ADAMTSL1: variants seen among roughly 807,000 people sequenced by gnomAD.
The protein encoded by ADAMTSL1 is ADAMTS like 1.
Under a neutral mutation model 201.8 loss-of-function variants are expected in ADAMTSL1, and 126 were observed. The ratio of observed to expected loss-of-function variants is 0.62; its 90% CI spans 0.54 to 0.72. ADAMTSL1 has a LOEUF of 0.72. ADAMTSL1 is among the 30% of genes least tolerant of loss of function. The probability of loss-of-function intolerance (pLI) is 0.00; values close to 1 mark genes in which losing one functional copy is unlikely to be tolerated. For missense variants in ADAMTSL1, 2,679 were observed against 2,277.8 expected (o/e 1.18, Z -3.59); for synonymous variants, 1,121 against 903.4 (o/e 1.24, Z -4.32).
At chr9:18,587,778 G>T (rs1447234561) in intron 4 of ADAMTSL1, among the ~76,000 whole-genome samples, 1 of 152,090 alleles carries the variant, frequency 6.6e-6, no homozygotes, top group East Asian at 1.9e-4. Context: ...ATGACCTCCA[G>T]TTCCATCCAT....
chr9:18,062,305 C>A (rs545609532), intron 1 of ADAMTSL1, among the ~76,000 whole-genome samples: 1 of 152,170 alleles, frequency 6.6e-6, no homozygotes, highest in African/African-American at 2.4e-5. Flanking sequence ...AAAGGTAAAT[C>A]TAAGTTTGAT....
Position 18,374,889 on chromosome 9 carries a change from G to C in ADAMTSL1, c.208-129940G>C, listed in dbSNP as rs998380028. Among the ~76,000 whole-genome samples, 15 of 152,314 alleles carry C rather than the reference G, an allele frequency of 9.8e-5. No homozygotes were observed. The East Asian group carries it at 2.9e-3, about 29-fold the overall frequency. ...AGGGCTAGATGTTCAACTGCTGGGG[G>C]ATTATCCCCCTTGGATGAATGGAGC... On this transcript the variant is annotated intron_variant, in intron 2 of 29. Coordinates refer to the ADAMTSL1 transcript ENST00000680146.
At chr9:18,551,036 A>G (rs1225185648) in intron 3 of ADAMTSL1, among the ~76,000 whole-genome samples, 1 of 151,948 alleles carries the variant, frequency 6.6e-6, no homozygotes, top group Non-Finnish European at 1.5e-5. Flanking sequence ...AATCTGGAGA[A>G]TAAAGACAGC....
At chr9:17,983,360 C>T (rs750855046) in intron 1 of ADAMTSL1, among the ~76,000 whole-genome samples, 25 of 152,100 alleles carry the variant, frequency 1.6e-4, no homozygotes, top group Non-Finnish European at 3.1e-4. Context: ...TGAGCCACCT[C>T]GCCCGGCCCC....
intron 1 of ADAMTSL1, among the ~76,000 whole-genome samples, chr9:17,918,677 T>C (rs1439327243): frequency 1.3e-5 from 2 of 151,902 alleles, no homozygotes; most frequent in East Asian, 3.8e-4. Flanking sequence ...TCTTTAAATG[T>C]CAATCAGGTC....
chr9:18,044,646 G>A (rs1027241339), intron 1 of ADAMTSL1, among the ~76,000 whole-genome samples: 1 of 152,154 alleles, frequency 6.6e-6, no homozygotes, highest in African/African-American at 2.4e-5. Flanking sequence ...ATACATTTGA[G>A]TTCAAACTGC....
chr9:18,062,096 A>AG (rs1253858641), intron 1 of ADAMTSL1, among the ~76,000 whole-genome samples: 3 of 152,220 alleles, frequency 2.0e-5, no homozygotes, highest in Admixed American at 1.3e-4. Context: ...CGACTTAAAA[A>AG]ACAGGAAGAA....
chr9:18,022,073 C>A, intron 1 of ADAMTSL1, among the ~76,000 whole-genome samples: 1 of 151,956 alleles, frequency 6.6e-6, no homozygotes, highest in East Asian at 1.9e-4. Flanking sequence ...TCATTTTTTT[C>A]TTGTTTTGCT....
intron 10 of ADAMTSL1, among the ~76,000 whole-genome samples, chr9:18,676,145 C>T (rs1272125486): frequency 6.6e-6 from 1 of 152,020 alleles, no homozygotes; most frequent in Non-Finnish European, 1.5e-5. Context: ...GGAGTGAAAA[C>T]AGTAATTCAC....
chr9:18,906,633 T>A (rs749772951), intron 27 of ADAMTSL1, 59 bp from the exon 28 acceptor site: 113 of 1,379,564 alleles, frequency 8.2e-5, no homozygotes, highest in Non-Finnish European at 1.1e-4. Flanking sequence ...TATTTTCACA[T>A]CTGCCCTGAT....
At chr9:18,283,527 G>A (rs564553575) in intron 2 of ADAMTSL1, among the ~76,000 whole-genome samples, 1 of 146,516 alleles carries the variant, frequency 6.8e-6, no homozygotes, top group African/African-American at 2.5e-5. Flanking sequence ...GTTCGCTTGA[G>A]CCTGGGAAGT....
At chr9:18,235,121 C>G (rs1342831676) in intron 2 of ADAMTSL1, among the ~76,000 whole-genome samples, 1 of 152,142 alleles carries the variant, frequency 6.6e-6, no homozygotes, top group Middle Eastern at 3.2e-3. Context: ...GAATCACATC[C>G]TGGATCCAGC....
chr9:18,612,489 T>A (rs979032289), intron 4 of ADAMTSL1, among the ~76,000 whole-genome samples: 1 of 152,168 alleles, frequency 6.6e-6, no homozygotes, highest in Non-Finnish European at 1.5e-5. Flanking sequence ...CTGTTCTAGG[T>A]GGACAGTGAA....
At chr9:18,569,727 A>G (rs950091938) in intron 3 of ADAMTSL1, among the ~76,000 whole-genome samples, 1 of 152,210 alleles carries the variant, frequency 6.6e-6, no homozygotes, top group East Asian at 1.9e-4. Context: ...AATTGTCTCC[A>G]TCAATGCTTT....
In ADAMTSL1 at chr9:18,485,352, A is replaced by T. The variant is rs117072544; in HGVS notation, c.63+11057A>T. Among the ~76,000 whole-genome samples the T allele has an allele frequency of 1.6e-3, 246 of 152,342 alleles. 1 individual carries two copies. The highest frequency in any genetic ancestry group is 2.4e-3 in the Non-Finnish European group (166 of 68,028). ...TTATGGAAAGCTAACCAATGTCCTT[A>T]TTCTCTTTATTCTATGTGTCAACAC... is the stretch of plus-strand genomic sequence containing the variant. On this transcript the variant is annotated intron_variant, in intron 1 of 28. Coordinates refer to ENST00000380548, the MANE Select transcript of ADAMTSL1 (RefSeq NM_001040272.6).
At chr9:18,175,063 GA>G in intron 2 of ADAMTSL1, among the ~76,000 whole-genome samples, 1 of 152,256 alleles carries the variant, frequency 6.6e-6, no homozygotes, top group East Asian at 1.9e-4. Context: ...CACCAACTTT[GA>G]AAATGTGGGA....
chr9:18,316,367 G>A (rs1205753748), intron 2 of ADAMTSL1, among the ~76,000 whole-genome samples: 1 of 152,086 alleles, frequency 6.6e-6, no homozygotes, highest in Non-Finnish European at 1.5e-5. Context: ...GGAGCGCTAT[G>A]GGAGACTGGG....
chr9:18,668,465 T>C (rs1021988242), intron 9 of ADAMTSL1, among the ~76,000 whole-genome samples: 4 of 152,190 alleles, frequency 2.6e-5, no homozygotes, highest in African/African-American at 4.8e-5. Context: ...TAGTACACTT[T>C]AAAGTTTTTT....
intron 4 of ADAMTSL1, among the ~76,000 whole-genome samples, chr9:18,593,212 G>T (rs1224790478): frequency 6.6e-6 from 1 of 151,764 alleles, no homozygotes; most frequent in East Asian, 1.9e-4. Flanking sequence ...TTTATTTCTT[G>T]CAGCAGTTTG....
Sources: allele counts gnomAD v4.1 joint callset (sites outside exome capture counted in the v4.1 genomes callset), GRCh38; gene constraint gnomAD v4.1.1; transcripts MANE v1.5; gene names NCBI Gene and HGNC (gene_info 2026-07-23, HGNC 2026-07-21).